Variants in GPR176 observed in about 807,000 individuals in gnomAD.
GPR176 encodes the protein G protein-coupled receptor 176, also known as G-protein coupled receptor 176.
In GPR176, 26 loss-of-function variants were observed where a neutral mutation model predicts 35.4. That is an observed-to-expected ratio of 0.74 (90% CI 0.54 to 1.02). GPR176 has a LOEUF of 1.02. Among genes scored for constraint, GPR176 ranks in the 50% least tolerant of loss-of-function variants. The pLI is 0.00. For synonymous variants in GPR176, 278 were observed against 271.3 expected (o/e 1.02, Z -0.24); for missense variants, 597 against 665.3 (o/e 0.90, Z 1.13).
intron 1 of GPR176, among the ~76,000 whole-genome samples, chr15:39,914,527 C>A (rs1470728859): frequency 2.6e-5 from 4 of 152,046 alleles, no homozygotes; most frequent in South Asian, 4.1e-4. Context: ...GTTGGCCAGG[C>A]TGGTCTCGAA....
At chr15:39,817,753 G>A (rs933494800) in intron 1 of GPR176, among the ~76,000 whole-genome samples, 2 of 152,180 alleles carry the variant, frequency 1.3e-5, no homozygotes, top group African/African-American at 2.4e-5. Context: ...ACTCCTCAGC[G>A]TAGAGAAGTC....
intron 1 of GPR176, among the ~76,000 whole-genome samples, chr15:39,892,517 C>A (rs1398648734): frequency 6.6e-6 from 1 of 152,224 alleles, no homozygotes; most frequent in South Asian, 2.1e-4. Flanking sequence ...CACCCTCTCC[C>A]CTGGCCAGCT....
Position 39,910,565 on chromosome 15 carries a change from A to C in GPR176, c.172+9290T>G, listed in dbSNP as rs563165005. 7.3e-5 allele frequency among the ~76,000 whole-genome samples: 11 copies of C among 150,296 alleles called. No individual in the cohort carries two copies. In the South Asian group the frequency reaches 2.3e-3, roughly 32 times the overall value. On this transcript the variant is annotated intron_variant, in intron 1 of 2. Coordinates refer to ENST00000561100, the MANE Select transcript of GPR176 (RefSeq NM_007223.3). ...AAGAGCAAACCGCATCTCAAAAAGA[A>C]AAAAAAAAATACCAACTTCATGATC...
intron 1 of GPR176, among the ~76,000 whole-genome samples, chr15:39,892,434 T>C (rs1043755285): frequency 2.0e-5 from 3 of 152,218 alleles, no homozygotes; most frequent in African/African-American, 7.2e-5. Context: ...TTGAACTTAG[T>C]GTTTGCCACT....
chr15:39,874,073 G>C (rs149083707), intron 1 of GPR176, among the ~76,000 whole-genome samples: 226 of 152,328 alleles, frequency 1.5e-3, no homozygotes, highest in Non-Finnish European at 2.6e-3. Flanking sequence ...ATGTCTGTAA[G>C]TCTCAAGTGA....
intron 1 of GPR176, among the ~76,000 whole-genome samples, chr15:39,839,601 T>C (rs1322974385): frequency 6.6e-6 from 1 of 152,088 alleles, no homozygotes; most frequent in Non-Finnish European, 1.5e-5. Context: ...CCAAAAGCAA[T>C]GGCAACAAAA....
chr15:39,861,116 C>T (rs1049295508), intron 1 of GPR176, among the ~76,000 whole-genome samples: 1 of 152,092 alleles, frequency 6.6e-6, no homozygotes, highest in African/African-American at 2.4e-5. Context: ...CCTCCAAACA[C>T]CCTACTTATC....
At chr15:39,856,987 T>C (rs775725081) in intron 1 of GPR176, among the ~76,000 whole-genome samples, 6 of 152,166 alleles carry the variant, frequency 3.9e-5, no homozygotes, top group Admixed American at 2.0e-4. Flanking sequence ...GCATTCCATA[T>C]GTCTTTACTG....
intron 1 of GPR176, chr15:39,860,896 T>A (rs2031546978): frequency 6.6e-6 from 1 of 152,220 alleles, no homozygotes; most frequent in Non-Finnish European, 1.5e-5. Flanking sequence ...CTGGCTCCAT[T>A]TGGGAAGGTG....
chr15:39,905,571 G>A (rs1171172513), intron 1 of GPR176, among the ~76,000 whole-genome samples: 1 of 152,132 alleles, frequency 6.6e-6, no homozygotes, highest in Non-Finnish European at 1.5e-5. Context: ...TCCAGCCTGG[G>A]TGACAGTAAG....
At chr15:39,913,360 T>C (rs2033629564) in intron 1 of GPR176, among the ~76,000 whole-genome samples, 1 of 151,838 alleles carries the variant, frequency 6.6e-6, no homozygotes, top group Non-Finnish European at 1.5e-5. Flanking sequence ...GCCTGGGCAA[T>C]GTGGCAAAAC....
At chr15:39,850,361 T>C (rs952938968) in intron 1 of GPR176, among the ~76,000 whole-genome samples, 2 of 152,194 alleles carry the variant, frequency 1.3e-5, no homozygotes, top group African/African-American at 4.8e-5. Flanking sequence ...AGCACATGAC[T>C]ATACTTGATG....
chr15:39,891,214 TAATA>T (rs1013211437), intron 1 of GPR176, among the ~76,000 whole-genome samples: 7 of 152,118 alleles, frequency 4.6e-5, no homozygotes, highest in African/African-American at 1.4e-4. Flanking sequence ...GCCTGGCACA[TAATA>T]AATGCCACAA....
At chr15:39,902,821 G>T (rs2033316597) in intron 1 of GPR176, among the ~76,000 whole-genome samples, 1 of 152,196 alleles carries the variant, frequency 6.6e-6, no homozygotes, top group South Asian at 2.1e-4. Context: ...GCACACAAGG[G>T]ATGCCCAGGG....
At chr15:39,852,413 G>C (rs73399111) in intron 1 of GPR176, among the ~76,000 whole-genome samples, 1,527 of 152,268 alleles carry the variant, frequency 0.01, 24 homozygotes, top group African/African-American at 0.035. Flanking sequence ...GTCAAGTTCA[G>C]CACTCTGTTT....
chr15:39,832,008 A>C lies in GPR176; in HGVS notation c.173-24750T>G, dbSNP rs545642236. 1.6e-4 allele frequency among the ~76,000 whole-genome samples: 25 copies of C among 151,866 alleles called. No homozygotes were observed. In the East Asian group the frequency reaches 4.6e-3, roughly 28 times the overall value. ...CACATGTGCATGCACACACACACAC[A>C]CACACACACACACACACACCATGTT... On this transcript the variant is annotated intron_variant, in intron 1 of 2. Coordinates refer to ENST00000561100, the MANE Select transcript of GPR176 (RefSeq NM_007223.3).
chr15:39,919,190 T>C (rs555974327), intron 1 of GPR176, among the ~76,000 whole-genome samples: 2 of 151,790 alleles, frequency 1.3e-5, no homozygotes, highest in South Asian at 4.2e-4. Flanking sequence ...TGAACAAGTA[T>C]ACCTAAATCT....
chr15:39,801,311 G>A lies in GPR176; in HGVS notation c.1369C>T (p.Pro457Ser). The A allele has an allele frequency of 6.2e-7, 1 of 1,614,120 alleles. No homozygotes were observed. The highest frequency in any genetic ancestry group is 8.5e-7 in the Non-Finnish European group (1 of 1,179,952). ...DKYSLQFGFG[P>S]FELPPQWLSE... ...AGCCACTGAGGAGGCAACTCAAAAG[G>A]CCCAAAGCCAAACTGCAGGGAATAC... The change falls in exon 3 of 3, where the codon CCT becomes TCT. Residue 457 changes from proline to serine, a missense_variant. This residue lies in a region of GPR176 where 251 missense variants were observed against 255.4 expected (regional missense o/e 0.98). Transcript: ENST00000561100.
chr15:39,856,540 C>A (rs914647092), intron 1 of GPR176, among the ~76,000 whole-genome samples: 1 of 152,178 alleles, frequency 6.6e-6, no homozygotes, highest in Non-Finnish European at 1.5e-5. Flanking sequence ...CTGGAGGATG[C>A]TCTGTTCACC....
Sources: gnomAD v4.1 joint callset for allele counts (sites outside exome capture counted in the v4.1 genomes callset) on GRCh38, gnomAD v4.1.1 for gene constraint, gnomAD v4.1.1 regional missense constraint, MANE v1.5 for transcripts, NCBI Gene and HGNC (gene_info 2026-07-23, HGNC 2026-07-21) for gene names.